Variants in FNDC3B observed in about 807,000 individuals in gnomAD.
FNDC3B encodes the protein fibronectin type III domain containing 3B, also known as fibronectin type III domain-containing protein 3B.
A neutral mutation model predicts 151.5 loss-of-function variants in FNDC3B; 12 were observed. The observed-to-expected ratio is 0.08, with a 90% CI of 0.05 to 0.13. The LOEUF (loss-of-function observed/expected upper bound fraction) is 0.13. Among genes scored for constraint, FNDC3B ranks in the 10% least tolerant of loss-of-function variants. FNDC3B has a pLI of 1.00. For missense variants in FNDC3B, 1,214 were observed against 1,505.3 expected (o/e 0.81, Z 3.20); for synonymous variants, 528 against 549.0 (o/e 0.96, Z 0.54).
rs371287350 is a variant in FNDC3B, at chr3:172,111,430, A to G, written c.-28-1022A>G. Reference sequence around the variant, plus strand: ...GATGGTACTATTAACACCGAATTATAAGACCTGTTATTATAGAATTTGCTT... The same window carrying G: ...GATGGTACTATTAACACCGAATTATGAGACCTGTTATTATAGAATTTGCTT... On this transcript the variant is annotated intron_variant, in intron 1 of 25. Transcript: ENST00000415807. Among the ~76,000 whole-genome samples the G allele has an allele frequency of 7.2e-5, 11 of 152,228 alleles. No individual in the cohort carries two copies. The East Asian group carries it at 1.7e-3, about 24-fold the overall frequency.
chr3:172,247,496 T>A (rs760642352), intron 4 of FNDC3B, 37 bp from the exon 5 acceptor site: 1 of 1,602,854 alleles, frequency 6.2e-7, no homozygotes, highest in Non-Finnish European at 8.5e-7. Flanking sequence ...AGGCTGCTAA[T>A]ATGTACTGCG....
At chr3:172,334,478 T>C (rs1732849213) in intron 14 of FNDC3B, among the ~76,000 whole-genome samples, 2 of 152,216 alleles carry the variant, frequency 1.3e-5, no homozygotes, top group African/African-American at 2.4e-5. Flanking sequence ...GTTTCGCTCT[T>C]GTTGCCCAGG....
At chr3:172,308,363 G>A (rs1372755224) in intron 10 of FNDC3B, among the ~76,000 whole-genome samples, 2 of 152,078 alleles carry the variant, frequency 1.3e-5, no homozygotes, top group African/African-American at 4.8e-5. Flanking sequence ...CTCTATAGCA[G>A]TTATTTCTCT....
At chr3:172,162,904 T>C (rs1251869164) in intron 3 of FNDC3B, among the ~76,000 whole-genome samples, 1 of 152,212 alleles carries the variant, frequency 6.6e-6, no homozygotes, top group Non-Finnish European at 1.5e-5. Flanking sequence ...ATAATTGTTT[T>C]AGAAGCTCAA....
Position 172,397,185 on chromosome 3 carries a change from A to G in FNDC3B, c.3325A>G (p.Thr1109Ala). 1 of 1,611,510 alleles carries G rather than the reference A, an allele frequency of 6.2e-7. No homozygotes were observed. The highest frequency in any genetic ancestry group is 8.5e-7 in the Non-Finnish European group (1 of 1,178,208). Residue 1109 changes from threonine (T) to alanine (A), a missense_variant, in exon 26 of 26, where the codon ACA becomes GCA. This residue lies in a region of FNDC3B where 284 missense variants were observed against 392.4 expected (regional missense o/e 0.72). Transcript: ENST00000415807. ...YKQVYKGEEATFQISGLQTNT... is the reference protein window; with the variant it reads ...YKQVYKGEEAAFQISGLQTNT... ...GAAGGTGTACAAGGGAGAAGAAGCC[A>G]CATTCCAAATCTCAGGCCTCCAGAC... is the stretch of plus-strand genomic sequence containing the variant.
intron 3 of FNDC3B, among the ~76,000 whole-genome samples, chr3:172,181,608 A>C (rs1185436450): frequency 6.6e-6 from 1 of 151,778 alleles, no homozygotes; most frequent in Non-Finnish European, 1.5e-5. Context: ...AGGTGGGCAT[A>C]TCACGAGGTC....
At chr3:172,387,686 T>C (rs1158017571) in intron 25 of FNDC3B, among the ~76,000 whole-genome samples, 1 of 152,188 alleles carries the variant, frequency 6.6e-6, no homozygotes, top group African/African-American at 2.4e-5. Flanking sequence ...TTAAAATTCA[T>C]GTAAAATGAA....
At chr3:172,298,913 A>G in intron 9 of FNDC3B, 126 bp downstream of exon 9, 1 of 582,712 alleles carries the variant, frequency 1.7e-6, no homozygotes, top group Non-Finnish European at 3.0e-6. Context: ...ACCATGGCTT[A>G]TGGGCCATTC....
At chr3:172,274,901 A>G (rs574848913) in intron 6 of FNDC3B, among the ~76,000 whole-genome samples, 24 of 152,284 alleles carry the variant, frequency 1.6e-4, no homozygotes, top group Middle Eastern at 3.4e-3. Context: ...TTTTAACTTA[A>G]TTACCTCTTT....
intron 23 of FNDC3B, among the ~76,000 whole-genome samples, chr3:172,372,502 G>C (rs749355851): frequency 6.6e-6 from 1 of 152,186 alleles, no homozygotes; most frequent in Non-Finnish European, 1.5e-5. Context: ...GTCAGCAAGC[G>C]TGCTCATGTC....
intron 3 of FNDC3B, among the ~76,000 whole-genome samples, chr3:172,191,522 G>C (rs946965423): frequency 6.6e-6 from 1 of 152,158 alleles, no homozygotes; most frequent in Admixed American, 6.5e-5. Flanking sequence ...TAAGAGATGA[G>C]GTCTCACTCT....
chr3:172,142,939 T>C (rs1266594908), intron 3 of FNDC3B, among the ~76,000 whole-genome samples: 1 of 152,194 alleles, frequency 6.6e-6, no homozygotes, highest in African/African-American at 2.4e-5. Context: ...TGTCCTCACG[T>C]GGCTGAAAGG....
At chr3:172,281,215 ATATTTATTTATTTATTTATT>A (rs56357726) in intron 6 of FNDC3B, among the ~76,000 whole-genome samples, 4 of 132,466 alleles carry the variant, frequency 3.0e-5, no homozygotes, top group African/African-American at 5.7e-5. Flanking sequence ...ATTATTATTT[ATATTTATTTATTTATTTATT>A]TATTTATTTA....
chr3:172,264,436 TA>T (rs1257872060), intron 6 of FNDC3B, among the ~76,000 whole-genome samples: 3 of 152,230 alleles, frequency 2.0e-5, no homozygotes, highest in Non-Finnish European at 4.4e-5. Flanking sequence ...CTGAACTGAA[TA>T]ATCTGTGGGA....
chr3:172,352,068 A>C lies in FNDC3B; in HGVS notation c.2515-735A>C, dbSNP rs769377675. 2.3e-4 allele frequency among the ~76,000 whole-genome samples: 35 copies of C among 152,288 alleles called. No individual in the cohort carries two copies. Among genetic ancestry groups the C allele is most frequent in the Middle Eastern group, 3.4e-3 (1 of 294 alleles). On this transcript the variant is annotated intron_variant, in intron 21 of 25. Transcript: ENST00000415807. This position sits in a 1 kb window ranked among gnomAD's most constrained non-coding sequence, Gnocchi z 4.2. ...TGTTTGAGTAGAGGTAGAAAAGAGG[A>C]GGTACCGAAGTACTGAGGGCTGATA... is the stretch of plus-strand genomic sequence containing the variant.
chr3:172,355,725 A>G (rs1202220026), intron 22 of FNDC3B, among the ~76,000 whole-genome samples: 1 of 152,212 alleles, frequency 6.6e-6, no homozygotes, highest in Non-Finnish European at 1.5e-5. Context: ...TCATTACGTT[A>G]TAATGTCAGC....
intron 6 of FNDC3B, among the ~76,000 whole-genome samples, chr3:172,264,028 C>T (rs1313419507): frequency 6.6e-6 from 1 of 151,982 alleles, no homozygotes; most frequent in Non-Finnish European, 1.5e-5. Context: ...GCTCTGTTAC[C>T]CAGGCTGGAG....
intron 3 of FNDC3B, among the ~76,000 whole-genome samples, chr3:172,173,452 A>G (rs553899590): frequency 6.6e-6 from 1 of 152,212 alleles, no homozygotes; most frequent in South Asian, 2.1e-4. Flanking sequence ...GTAAGAGAAG[A>G]CAACGTGTAA....
chr3:172,120,570 G>C (rs770918737), intron 2 of FNDC3B, among the ~76,000 whole-genome samples: 6 of 151,934 alleles, frequency 3.9e-5, no homozygotes, highest in Admixed American at 2.6e-4. Flanking sequence ...ACAGGCATGG[G>C]GGGGGGTGTG....
Sources: allele counts gnomAD v4.1 joint callset (sites outside exome capture counted in the v4.1 genomes callset), GRCh38; gene constraint gnomAD v4.1.1; regional missense constraint gnomAD v4.1.1; non-coding constraint Gnocchi (gnomAD v3.1); transcripts MANE v1.5; gene names NCBI Gene and HGNC (gene_info 2026-07-23, HGNC 2026-07-21).